The following IGSF21 variants were observed in gnomAD, a reference collection of about 807,000 sequenced individuals.
The protein encoded by IGSF21 is immunoglobulin superfamily member 21.
Under a neutral mutation model 46.8 loss-of-function variants are expected in IGSF21, and 28 were observed. The observed-to-expected ratio is 0.60, with a 90% CI of 0.44 to 0.82. The LOEUF (loss-of-function observed/expected upper bound fraction) is 0.82. Among genes scored for constraint, IGSF21 ranks in the 40% least tolerant of loss-of-function variants. The pLI is 0.00. For synonymous variants in IGSF21, 284 were observed against 273.6 expected, an observed-to-expected ratio of 1.04 and a Z score of -0.38; for missense variants, 624 against 665.5, an observed-to-expected ratio of 0.94 and a Z score of 0.69.
At chr1:18,303,629 C>G (rs1244712334) in intron 3 of IGSF21, among the ~76,000 whole-genome samples, 1 of 152,208 alleles carries the variant, frequency 6.6e-6, no homozygotes, top group Non-Finnish European at 1.5e-5. Context: ...TCAAGCACCT[C>G]AAGTAAGGGC....
At chr1:18,226,669 T>C (rs2084570325) in intron 1 of IGSF21, among the ~76,000 whole-genome samples, 2 of 152,220 alleles carry the variant, frequency 1.3e-5, no homozygotes. Flanking sequence ...TTTGTTTTGT[T>C]TTTTGTTTTC....
At chr1:18,181,136 T>TC (rs2086853928) in intron 1 of IGSF21, among the ~76,000 whole-genome samples, 1 of 152,142 alleles carries the variant, frequency 6.6e-6, no homozygotes, top group Admixed American at 6.5e-5. Context: ...CTCCTCCTAG[T>TC]CCCCGGCTCA....
intron 2 of IGSF21, among the ~76,000 whole-genome samples, chr1:18,265,991 G>C (rs555336679): frequency 6.6e-6 from 1 of 152,162 alleles, no homozygotes; most frequent in Admixed American, 6.5e-5. Flanking sequence ...ATGCAGCCTT[G>C]ATGAAGCCCG....
chr1:18,147,268 C>G (rs4920437), intron 1 of IGSF21, among the ~76,000 whole-genome samples: 16,070 of 152,146 alleles, frequency 0.11, 1,456 homozygotes, highest in African/African-American at 0.24. Context: ...GCCTTACTCT[C>G]CTTCCTCTGG....
chr1:18,350,704 C>G (rs2085943529), intron 4 of IGSF21, among the ~76,000 whole-genome samples: 1 of 152,182 alleles, frequency 6.6e-6, no homozygotes, highest in South Asian at 2.1e-4. Context: ...CAGCTCCTCC[C>G]CACTCACCCA....
rs2086107635 is a variant in IGSF21 at position 18,362,152 on chromosome 1, A to G, written c.462A>G (p.Thr154=). The G allele has an allele frequency of 6.2e-7, 1 of 1,612,168 alleles. No homozygotes were observed. Among genetic ancestry groups the G allele is most frequent in the Non-Finnish European group, 8.5e-7 (1 of 1,179,438 alleles). ...PTSIEVVAAD[T]PAPFSRYQAQ... Reference sequence around the variant, plus strand: ...CCATTGAAGTGGTGGCTGCTGACACACCAGCCCCCTTCAGCCGCTACCAAG... The same window carrying G: ...CCATTGAAGTGGTGGCTGCTGACACGCCAGCCCCCTTCAGCCGCTACCAAG... The change falls in exon 5 of 10, where the codon ACA becomes ACG. Residue 154 remains threonine (T), a synonymous_variant. Coordinates refer to ENST00000251296, the MANE Select transcript of IGSF21 (RefSeq NM_032880.5).
chr1:18,228,021 A>G lies in IGSF21; in HGVS notation c.183+11A>G, dbSNP rs1384869599. Reference sequence around the variant, plus strand: ...ATCGTGTGGTACCGGGTAAGTCACTACTACTGCCCCCTTCATGCCCATGGC... The same window carrying G: ...ATCGTGTGGTACCGGGTAAGTCACTGCTACTGCCCCCTTCATGCCCATGGC... On this transcript the variant is annotated intron_variant, in intron 2 of 9. Transcript: ENST00000251296. 1.9e-6 allele frequency: 3 copies of G among 1,594,174 alleles called. No individual in the cohort carries two copies. Among genetic ancestry groups the G allele is most frequent in the South Asian group, 1.1e-5 (1 of 90,682 alleles).
chr1:18,124,006 C>T (rs1221633953), intron 1 of IGSF21, among the ~76,000 whole-genome samples: 1 of 152,198 alleles, frequency 6.6e-6, no homozygotes, highest in Non-Finnish European at 1.5e-5. Flanking sequence ...CTGTTTGCCC[C>T]ATGCAGACAG....
chr1:18,240,685 G>T (rs1314470178), intron 2 of IGSF21, among the ~76,000 whole-genome samples: 2 of 152,194 alleles, frequency 1.3e-5, no homozygotes, highest in South Asian at 2.1e-4. Flanking sequence ...AGTTGATGAG[G>T]TTAATAACTT....
chr1:18,346,878 G>T (rs1447461325), intron 4 of IGSF21, among the ~76,000 whole-genome samples: 1 of 152,180 alleles, frequency 6.6e-6, no homozygotes, highest in South Asian at 2.1e-4. Flanking sequence ...CCCTGAGCTG[G>T]ATGTGAGCAT....
intron 3 of IGSF21, among the ~76,000 whole-genome samples, chr1:18,332,960 A>G (rs1422162979): frequency 6.6e-6 from 1 of 152,180 alleles, no homozygotes; most frequent in African/African-American, 2.4e-5. Context: ...AGGTAGCTAA[A>G]AGGAGAGAAG....
At chr1:18,127,835 G>A (rs899144008) in intron 1 of IGSF21, among the ~76,000 whole-genome samples, 6 of 152,128 alleles carry the variant, frequency 3.9e-5, no homozygotes, top group African/African-American at 9.7e-5. Flanking sequence ...CTTGAACCCG[G>A]GAAGTCGAGG....
intron 2 of IGSF21, among the ~76,000 whole-genome samples, chr1:18,230,514 G>A (rs2084614338): frequency 6.6e-6 from 1 of 152,146 alleles, no homozygotes; most frequent in Non-Finnish European, 1.5e-5. Flanking sequence ...AGAGCCAAAT[G>A]CCTGGGCCCT....
At chr1:18,211,386 C>T (rs897492879) in intron 1 of IGSF21, among the ~76,000 whole-genome samples, 11 of 152,210 alleles carry the variant, frequency 7.2e-5, no homozygotes, top group East Asian at 3.8e-4. Flanking sequence ...AGCAAAGCCA[C>T]GCTGCATTCA....
At chr1:18,257,044 T>C (rs912071096) in intron 2 of IGSF21, among the ~76,000 whole-genome samples, 3 of 152,208 alleles carry the variant, frequency 2.0e-5, no homozygotes, top group African/African-American at 7.2e-5. Context: ...GCCCACTTTC[T>C]TGAAAGCTGA....
chr1:18,292,358 C>G (rs963989134), intron 3 of IGSF21, among the ~76,000 whole-genome samples: 1 of 152,272 alleles, frequency 6.6e-6, no homozygotes, highest in African/African-American at 2.4e-5. Context: ...TGAAGCAGTT[C>G]TGCCCGGCTT....
intron 2 of IGSF21, among the ~76,000 whole-genome samples, chr1:18,271,502 G>A (rs1223652281): frequency 6.6e-6 from 1 of 152,090 alleles, no homozygotes; most frequent in African/African-American, 2.4e-5. Flanking sequence ...AGCAAACCTG[G>A]CCTAGTTATC....
chr1:18,270,842 C>T (rs561417104), intron 2 of IGSF21, among the ~76,000 whole-genome samples: 12 of 152,306 alleles, frequency 7.9e-5, no homozygotes, highest in East Asian at 1.9e-4. Context: ...CTCCTCCCTA[C>T]GAGCCAGCCG....
intron 1 of IGSF21, among the ~76,000 whole-genome samples, chr1:18,222,878 C>G (rs1035779158): frequency 7.2e-5 from 11 of 152,154 alleles, no homozygotes; most frequent in African/African-American, 2.7e-4. Flanking sequence ...GAACCCTTGC[C>G]ATCTCCTCTC....
Sources: gnomAD v4.1 joint callset for allele counts (sites outside exome capture counted in the v4.1 genomes callset) on GRCh38, gnomAD v4.1.1 for gene constraint, MANE v1.5 for transcripts, NCBI Gene and HGNC (gene_info 2026-07-23, HGNC 2026-07-21) for gene names.